Variants in WDR70 observed in about 807,000 individuals in gnomAD.
WDR70 encodes the protein WD repeat-containing protein 70.
In WDR70, 53 loss-of-function variants were observed where a neutral mutation model predicts 88.6. That is an observed-to-expected ratio of 0.60 (90% CI 0.48 to 0.75). WDR70 has a LOEUF of 0.75. WDR70 is among the 30% of genes least tolerant of loss of function. WDR70 has a pLI of 0.00. For missense variants in WDR70, 610 were observed against 823.2 expected, an observed-to-expected ratio of 0.74 and a Z score of 3.17; for synonymous variants, 280 against 270.0, an observed-to-expected ratio of 1.04 and a Z score of -0.36.
At chr5:37,610,475 C>T (rs1378157871) in intron 10 of WDR70, among the ~76,000 whole-genome samples, 3 of 150,420 alleles carry the variant, frequency 2.0e-5, no homozygotes, top group Non-Finnish European at 1.5e-5. Flanking sequence ...TTATTTTATT[C>T]TGTGCCACTC....
intron 10 of WDR70, among the ~76,000 whole-genome samples, chr5:37,646,993 A>G (rs909672044): frequency 5.3e-5 from 8 of 152,174 alleles, no homozygotes; most frequent in African/African-American, 1.9e-4. Flanking sequence ...TTTAAGGCCA[A>G]TAACTCTTAG....
chr5:37,673,583 A>ACCAC (rs1554010663), intron 10 of WDR70, among the ~76,000 whole-genome samples: 1 of 76,228 alleles, frequency 1.3e-5, no homozygotes, highest in Non-Finnish European at 2.4e-5. Flanking sequence ...GACTTTTCTT[A>ACCAC]CCCCCCCCCC....
chr5:37,730,767 G>A (rs1748122715), intron 17 of WDR70, among the ~76,000 whole-genome samples: 1 of 152,074 alleles, frequency 6.6e-6, no homozygotes, highest in Admixed American at 6.6e-5. Flanking sequence ...ACTGGATGCT[G>A]ATTACTTTTT....
intron 8 of WDR70, among the ~76,000 whole-genome samples, chr5:37,482,991 CGAT>C (rs1369330623): frequency 6.7e-6 from 1 of 149,380 alleles, no homozygotes; most frequent in African/African-American, 2.5e-5. Flanking sequence ...AGGTAGTGTG[CGAT>C]GATCATGCTT....
chr5:37,613,766 C>T (rs1265360787), intron 10 of WDR70, among the ~76,000 whole-genome samples: 1 of 135,626 alleles, frequency 7.4e-6, no homozygotes, highest in Non-Finnish European at 1.7e-5. Flanking sequence ...ATTTAATCCA[C>T]ACAGCAACTC....
At chr5:37,411,593 G>A (rs1194658894) in intron 5 of WDR70, among the ~76,000 whole-genome samples, 2 of 152,128 alleles carry the variant, frequency 1.3e-5, no homozygotes, top group East Asian at 3.9e-4. Context: ...GGGTGTGTTG[G>A]CACGCACCTG....
intron 7 of WDR70, among the ~76,000 whole-genome samples, chr5:37,443,669 A>G (rs1256390065): frequency 6.6e-6 from 1 of 152,200 alleles, no homozygotes; most frequent in African/African-American, 2.4e-5. Flanking sequence ...AATGGACAAC[A>G]TGGCAAAAGC....
chr5:37,676,710 C>T (rs1194760175), intron 10 of WDR70, among the ~76,000 whole-genome samples: 1 of 151,600 alleles, frequency 6.6e-6, no homozygotes, highest in East Asian at 1.9e-4. Context: ...TTGGTTGTGT[C>T]TCTGCCAGGC....
At chr5:37,590,622 A>G (rs746350245) in intron 9 of WDR70, among the ~76,000 whole-genome samples, 5 of 152,208 alleles carry the variant, frequency 3.3e-5, no homozygotes, top group Non-Finnish European at 5.9e-5. Flanking sequence ...TAAAGGACAG[A>G]AAATGAGAAG....
intron 10 of WDR70, among the ~76,000 whole-genome samples, chr5:37,690,388 A>C (rs1746752663): frequency 6.6e-6 from 1 of 152,148 alleles, no homozygotes; most frequent in South Asian, 2.1e-4. Flanking sequence ...GAGAAGAGCA[A>C]CCCCAAGACA....
chr5:37,682,476 G>A (rs60352349), intron 10 of WDR70, among the ~76,000 whole-genome samples: 3,184 of 151,660 alleles, frequency 0.021, 128 homozygotes, highest in African/African-American at 0.072. Flanking sequence ...CTTTGGGGTT[G>A]CTTTGCTTTT....
chr5:37,438,074 A>G, intron 6 of WDR70, 93 bp downstream of exon 6: 1 of 1,068,866 alleles, frequency 9.4e-7, no homozygotes. Context: ...AAGGCTAATT[A>G]TACAATCAAC....
chr5:37,545,987 T>A (rs754956130), intron 9 of WDR70, among the ~76,000 whole-genome samples: 2 of 152,200 alleles, frequency 1.3e-5, no homozygotes, highest in Non-Finnish European at 2.9e-5. Context: ...TTTTCAGCAT[T>A]ATTAATAAAA....
chr5:37,739,281 C>T (rs1285424233), intron 17 of WDR70, among the ~76,000 whole-genome samples: 2 of 152,210 alleles, frequency 1.3e-5, no homozygotes, highest in African/African-American at 4.8e-5. Flanking sequence ...TCCCCATTAA[C>T]CTGTTGTACA....
intron 10 of WDR70, among the ~76,000 whole-genome samples, chr5:37,622,086 A>G (rs945880814): frequency 3.3e-5 from 5 of 152,128 alleles, no homozygotes; most frequent in Non-Finnish European, 5.9e-5. Flanking sequence ...CCATTGGTCT[A>G]TATCTCTGTT....
At chr5:37,630,644 C>T (rs1744787188) in intron 10 of WDR70, among the ~76,000 whole-genome samples, 2 of 152,158 alleles carry the variant, frequency 1.3e-5, no homozygotes, top group South Asian at 4.1e-4. Context: ...TGGTTACCTG[C>T]TGTGTAGGAC....
chr5:37,564,658 C>T (rs1742683952), intron 9 of WDR70, among the ~76,000 whole-genome samples: 1 of 151,986 alleles, frequency 6.6e-6, no homozygotes, highest in Non-Finnish European at 1.5e-5. Flanking sequence ...GATCTTTTTA[C>T]AGGAAAATTA....
At chr5:37,485,751 G>C (rs1464383309) in intron 8 of WDR70, among the ~76,000 whole-genome samples, 1 of 151,772 alleles carries the variant, frequency 6.6e-6, no homozygotes, top group African/African-American at 2.4e-5. Flanking sequence ...GAGTGCAGTG[G>C]TGCAGTCTTG....
intron 6 of WDR70, among the ~76,000 whole-genome samples, chr5:37,442,280 G>T (rs1435595730): frequency 6.6e-6 from 1 of 150,722 alleles, no homozygotes; most frequent in African/African-American, 2.4e-5. Flanking sequence ...CAGGTGATCC[G>T]CCCGCCTTAG....
Sources: gnomAD v4.1 joint callset for allele counts (sites outside exome capture counted in the v4.1 genomes callset) on GRCh38, gnomAD v4.1.1 for gene constraint, MANE v1.5 for transcripts, NCBI Gene and HGNC (gene_info 2026-07-23, HGNC 2026-07-21) for gene names.